The following DNAH6 variants were observed in gnomAD, a reference collection of about 807,000 sequenced individuals.
DNAH6 encodes dynein axonemal heavy chain 6, also known as axonemal beta dynein heavy chain 6.
A neutral mutation model predicts 491.4 loss-of-function variants in DNAH6; 340 were observed. That is an observed-to-expected ratio of 0.69 (90% CI 0.63 to 0.76). The LOEUF is 0.76. Ranked by LOEUF, DNAH6 falls within the 30% of genes least tolerant of loss-of-function variation. The probability of loss-of-function intolerance (pLI) is 0.00; values close to 1 mark genes in which losing one functional copy is unlikely to be tolerated. For synonymous variants in DNAH6, 1,603 were observed against 1,686.1 expected (o/e 0.95, Z 1.21); for missense variants, 4,443 against 4,972.2 (o/e 0.89, Z 3.20).
At chr2:84,711,652 A>C (rs901845190) in intron 56 of DNAH6, among the ~76,000 whole-genome samples, 1 of 152,254 alleles carries the variant, frequency 6.6e-6, no homozygotes, top group Non-Finnish European at 1.5e-5. Flanking sequence ...CAATGAGGAA[A>C]CTGAGGCATG....
intron 29 of DNAH6, 72 bp downstream of exon 29, chr2:84,625,135 C>A: frequency 3.1e-6 from 4 of 1,302,892 alleles, no homozygotes; most frequent in South Asian, 2.0e-5. Context: ...CATGACATAA[C>A]AAAATAAGGC....
chr2:84,732,994 C>T (rs1424973564), intron 61 of DNAH6, among the ~76,000 whole-genome samples: 1 of 152,198 alleles, frequency 6.6e-6, no homozygotes, highest in African/African-American at 2.4e-5. Context: ...TAGACAAACT[C>T]TTACCACAGC....
intron 4 of DNAH6, among the ~76,000 whole-genome samples, chr2:84,543,653 C>G (rs778713853): frequency 5.3e-5 from 8 of 152,058 alleles, no homozygotes; most frequent in Non-Finnish European, 1.0e-4. Context: ...GTTCTTGCTT[C>G]TTTTCTTTAC....
intron 33 of DNAH6, among the ~76,000 whole-genome samples, chr2:84,645,320 G>A (rs1689790832): frequency 6.6e-6 from 1 of 152,216 alleles, no homozygotes; most frequent in Non-Finnish European, 1.5e-5. Context: ...TTGGGAGGCT[G>A]AGGCAGGAGA....
chr2:84,472,501 A>G, the DNAH6 span, among the ~76,000 whole-genome samples: 4,185 of 152,142 alleles, frequency 0.028, 189 homozygotes, highest in African/African-American at 0.095. Flanking sequence ...ACAGAGGACA[A>G]TTTTCCAAAA....
intron 37 of DNAH6, among the ~76,000 whole-genome samples, chr2:84,663,968 C>T (rs1231511508): frequency 6.6e-6 from 1 of 152,158 alleles, no homozygotes; most frequent in Non-Finnish European, 1.5e-5. Context: ...AAGCAATTTT[C>T]AACCCAGAAT....
intron 39 of DNAH6, among the ~76,000 whole-genome samples, chr2:84,671,910 G>T (rs1213717470): frequency 6.6e-6 from 1 of 152,240 alleles, no homozygotes; most frequent in African/African-American, 2.4e-5. Flanking sequence ...GTTTCCCTGT[G>T]AGGGTACTGT....
At chr2:84,667,711 A>G (rs1257469353) in intron 37 of DNAH6, among the ~76,000 whole-genome samples, 1 of 152,178 alleles carries the variant, frequency 6.6e-6, no homozygotes, top group Non-Finnish European at 1.5e-5. Context: ...AACTAGAAAT[A>G]CCGTTTGACC....
At chr2:84,584,325 C>G in intron 15 of DNAH6, 75 bp downstream of exon 15, 1 of 1,391,432 alleles carries the variant, frequency 7.2e-7, no homozygotes, top group Non-Finnish European at 9.8e-7. Context: ...AAAGTATAAT[C>G]AACAGATAAA....
chr2:84,772,141 T>C (rs1313426384), intron 64 of DNAH6, among the ~76,000 whole-genome samples: 6 of 152,194 alleles, frequency 3.9e-5, no homozygotes, highest in Non-Finnish European at 2.9e-5. Context: ...ATTTCAAATT[T>C]AAATTTTTAT....
intron 4 of DNAH6, among the ~76,000 whole-genome samples, chr2:84,540,133 ACT>A (rs1390924829): frequency 2.6e-5 from 4 of 152,176 alleles, no homozygotes; most frequent in Non-Finnish European, 5.9e-5. Context: ...GTAAGGAATA[ACT>A]CTCTTTCTTG....
rs776136148 is a variant in DNAH6, at chr2:84,787,297, T to C, written c.11234T>C (p.Ile3745Thr). Reference protein sequence around the residue: ...GKIPWDALIYITGEITYGGRV... With the variant: ...GKIPWDALIYTTGEITYGGRV... ...ATTCCCTGGGATGCACTAATTTACA[T>C]TACTGGTGAGTACGTCCTTGTGGCC... The change falls in exon 68 of 77, where the codon ATT becomes ACT. Residue 3745 changes from isoleucine (I) to threonine (T), a missense_variant. Transcript: ENST00000389394. The C allele has an allele frequency of 1.3e-6, 2 of 1,549,024 alleles. No homozygotes were observed. Among genetic ancestry groups the C allele is most frequent in the African/African-American group, 2.7e-5 (2 of 72,896 alleles).
intron 63 of DNAH6, among the ~76,000 whole-genome samples, chr2:84,745,555 A>G (rs1475340795): frequency 1.3e-5 from 2 of 152,094 alleles, no homozygotes; most frequent in Non-Finnish European, 2.9e-5. Flanking sequence ...AGTCCCAGCT[A>G]CATGGGAGGC....
At chr2:84,787,940 G>A (rs1484816094) in intron 68 of DNAH6, among the ~76,000 whole-genome samples, 1 of 152,166 alleles carries the variant, frequency 6.6e-6, no homozygotes, top group African/African-American at 2.4e-5. Flanking sequence ...TGGGAAGTGG[G>A]GGAAGGAGGA....
chr2:84,729,629 T>G (rs1277841042), intron 61 of DNAH6, among the ~76,000 whole-genome samples: 1 of 152,210 alleles, frequency 6.6e-6, no homozygotes, highest in Non-Finnish European at 1.5e-5. Context: ...ACAGCATATC[T>G]TGAAAAGTTT....
chr2:84,812,985 A>C, intron 73 of DNAH6, 73 bp from the exon 74 acceptor site: 3 of 1,314,308 alleles, frequency 2.3e-6, no homozygotes, highest in Non-Finnish European at 3.2e-6. Context: ...AACTCTCCCC[A>C]AATAGGACTT....
At chr2:84,773,291 C>T (rs1354189321) in intron 64 of DNAH6, among the ~76,000 whole-genome samples, 1 of 151,978 alleles carries the variant, frequency 6.6e-6, no homozygotes, top group Non-Finnish European at 1.5e-5. Flanking sequence ...GTTTAGGTTC[C>T]CCTTATAAAT....
At chr2:84,548,234 GA>G (rs1261696879) in intron 7 of DNAH6, 53 bp from the exon 8 acceptor site, 5 of 1,514,174 alleles carry the variant, frequency 3.3e-6, no homozygotes, top group Non-Finnish European at 4.4e-6. Flanking sequence ...CATATTGAAA[GA>G]GATGGAACTT....
chr2:84,503,002 A>G, the DNAH6 span, among the ~76,000 whole-genome samples: 1 of 152,022 alleles, frequency 6.6e-6, no homozygotes, highest in Non-Finnish European at 1.5e-5. Context: ...CAATGTTATT[A>G]TTTAGAACTA....
Sources: gnomAD v4.1 joint callset for allele counts (sites outside exome capture counted in the v4.1 genomes callset) on GRCh38, gnomAD v4.1.1 for gene constraint, MANE v1.5 for transcripts, NCBI Gene and HGNC (gene_info 2026-07-23, HGNC 2026-07-21) for gene names.